The following PDE1A variants were observed in gnomAD, a reference collection of about 807,000 sequenced individuals.
PDE1A encodes the protein dual specificity calcium/calmodulin-dependent 3',5'-cyclic nucleotide phosphodiesterase 1A.
A neutral mutation model predicts 61.7 loss-of-function variants in PDE1A; 35 were observed. The observed-to-expected ratio is 0.57, with a 90% CI of 0.43 to 0.75. The LOEUF is 0.75. PDE1A is among the 30% of genes least tolerant of loss of function. The pLI is 0.00. For synonymous variants in PDE1A, 232 were observed against 213.2 expected, an observed-to-expected ratio of 1.09 and a Z score of -0.77; for missense variants, 597 against 630.6, an observed-to-expected ratio of 0.95 and a Z score of 0.57.
the PDE1A span, among the ~76,000 whole-genome samples, chr2:182,698,291 A>G: frequency 6.6e-6 from 1 of 152,174 alleles, no homozygotes; most frequent in Non-Finnish European, 1.5e-5. Flanking sequence ...TCCTGCAGGA[A>G]TCTATCTTAG....
intron 1 of PDE1A, among the ~76,000 whole-genome samples, chr2:182,325,934 C>A (rs1697014213): frequency 6.6e-6 from 1 of 151,974 alleles, no homozygotes; most frequent in African/African-American, 2.4e-5. Flanking sequence ...AAACAAACAA[C>A]AACGACAAAA....
At chr2:182,336,952 A>G (rs1187610777) in intron 1 of PDE1A, among the ~76,000 whole-genome samples, 3 of 92,988 alleles carry the variant, frequency 3.2e-5, no homozygotes, top group Non-Finnish European at 4.5e-5. Context: ...GGTTCTGCAC[A>G]TGTATCCCTT....
chr2:182,414,199 T>C (rs1346773), intron 1 of PDE1A, among the ~76,000 whole-genome samples: 49,610 of 151,910 alleles, frequency 0.33, 9,375 homozygotes, highest in South Asian at 0.49. Context: ...ATTTTGAAGA[T>C]AAATGAATGG....
intron 7 of PDE1A, among the ~76,000 whole-genome samples, chr2:182,210,848 C>T (rs1459161064): frequency 6.6e-6 from 1 of 151,414 alleles, no homozygotes; most frequent in Admixed American, 6.6e-5. Flanking sequence ...AGGCCTGTGT[C>T]TTAGTGTGTT....
intron 2 of PDE1A, among the ~76,000 whole-genome samples, chr2:182,445,275 C>T (rs1477451440): frequency 6.6e-6 from 1 of 152,040 alleles, no homozygotes; most frequent in South Asian, 2.1e-4. Context: ...ATCAAGATCT[C>T]GACAGGGTTA....
chr2:182,473,210 A>T (rs1212755280), intron 2 of PDE1A, among the ~76,000 whole-genome samples: 2 of 152,006 alleles, frequency 1.3e-5, no homozygotes, highest in African/African-American at 4.8e-5. Context: ...TTCAGGACAC[A>T]GGCATGGGCA....
intron 13 of PDE1A, among the ~76,000 whole-genome samples, chr2:182,158,039 T>C (rs565085407): frequency 8.5e-5 from 13 of 152,316 alleles, no homozygotes; most frequent in African/African-American, 2.6e-4. Context: ...GCTATGTACA[T>C]GTCAATACCT....
At chr2:182,630,218 T>C in the PDE1A span, among the ~76,000 whole-genome samples, 1 of 152,194 alleles carries the variant, frequency 6.6e-6, no homozygotes, top group South Asian at 2.1e-4. Flanking sequence ...TTGTAGATTT[T>C]CCTGTAGGTG....
the PDE1A span, among the ~76,000 whole-genome samples, chr2:182,632,448 T>C: frequency 6.6e-6 from 1 of 152,084 alleles, no homozygotes; most frequent in South Asian, 2.1e-4. Context: ...ATCAGCATAA[T>C]ACTACTTCTC....
intron 2 of PDE1A, among the ~76,000 whole-genome samples, chr2:182,448,088 A>G (rs554466297): frequency 3.8e-4 from 58 of 152,046 alleles, no homozygotes; most frequent in Middle Eastern, 6.8e-3. Context: ...CATTTTTAAC[A>G]TTTTAGTGCT....
At chr2:182,574,938 C>T in the PDE1A span, among the ~76,000 whole-genome samples, 5 of 152,154 alleles carry the variant, frequency 3.3e-5, no homozygotes, top group Non-Finnish European at 5.9e-5. Context: ...GATCTGCCCA[C>T]CTCAGCCTCC....
At chr2:182,542,642 A>T in the PDE1A span, among the ~76,000 whole-genome samples, 1 of 152,216 alleles carries the variant, frequency 6.6e-6, no homozygotes, top group Non-Finnish European at 1.5e-5. Flanking sequence ...ATAAAATAGT[A>T]ATGCCTATTT....
At chr2:182,665,126 C>T in the PDE1A span, among the ~76,000 whole-genome samples, 1 of 152,074 alleles carries the variant, frequency 6.6e-6, no homozygotes, top group Non-Finnish European at 1.5e-5. Flanking sequence ...CTACAATAAA[C>T]TAGATTTTTT....
chr2:182,379,077 A>G (rs1358979882), intron 1 of PDE1A, among the ~76,000 whole-genome samples: 1 of 152,244 alleles, frequency 6.6e-6, no homozygotes, highest in East Asian at 1.9e-4. Flanking sequence ...AAATGAGAAT[A>G]AGGATGAAAT....
the PDE1A span, among the ~76,000 whole-genome samples, chr2:182,687,621 G>A: frequency 6.6e-6 from 1 of 152,172 alleles, no homozygotes; most frequent in African/African-American, 2.4e-5. Flanking sequence ...TAAAAATCGA[G>A]CACCTCTCCT....
At chr2:182,590,688 T>A in the PDE1A span, among the ~76,000 whole-genome samples, 1 of 152,188 alleles carries the variant, frequency 6.6e-6, no homozygotes, top group Non-Finnish European at 1.5e-5. Context: ...TTATAGATGT[T>A]CTAACTGATG....
the PDE1A span, among the ~76,000 whole-genome samples, chr2:182,528,889 G>A: frequency 5.3e-5 from 8 of 152,318 alleles, no homozygotes; most frequent in South Asian, 1.7e-3. Context: ...CAAGAATTGA[G>A]GTTTGGGAAC....
the PDE1A span, among the ~76,000 whole-genome samples, chr2:182,681,148 GT>G: frequency 1.4e-5 from 2 of 148,146 alleles, no homozygotes; most frequent in Non-Finnish European, 3.0e-5. Context: ...ACTGGGGCCT[GT>G]TTTTTTTGTT....
At position 182,395,523 on chromosome 2, in the gene PDE1A, T is replaced by C. The variant is rs191752989; in HGVS notation, c.53+31055A>G. ...GAGATATTCCTTCTAAGGTGAAAGA[T>C]AAGTTGCTGCATTTGGCCCCTCCTA... On this transcript the variant is annotated intron_variant, in intron 1 of 13. Coordinates refer to ENST00000351439, the Ensembl canonical transcript of PDE1A. Among the ~76,000 whole-genome samples the C allele has an allele frequency of 1.4e-4, 21 of 152,314 alleles. No individual in the cohort carries two copies. The South Asian group carries it at 2.7e-3, about 20-fold the overall frequency.
Sources: allele counts gnomAD v4.1 joint callset (sites outside exome capture counted in the v4.1 genomes callset), GRCh38; gene constraint gnomAD v4.1.1; transcripts MANE v1.5; gene names NCBI Gene and HGNC (gene_info 2026-07-23, HGNC 2026-07-21).